Variants in ARHGAP10 observed in about 807,000 individuals in gnomAD.
ARHGAP10 encodes the protein rho GTPase-activating protein 10.
ARHGAP10 carries 87 observed loss-of-function variants against 108.6 expected under a neutral mutation model. The ratio of observed to expected loss-of-function variants is 0.80; its 90% confidence interval spans 0.67 to 0.96. The LOEUF (loss-of-function observed/expected upper bound fraction) is 0.96. Among genes scored for constraint, ARHGAP10 ranks in the 40% least tolerant of loss-of-function variants. The pLI is 0.00. For synonymous variants in ARHGAP10, 347 were observed against 341.1 expected (o/e 1.02, Z -0.19); for missense variants, 939 against 954.5 (o/e 0.98, Z 0.21).
intron 18 of ARHGAP10, among the ~76,000 whole-genome samples, chr4:147,989,176 G>C (rs1016085081): frequency 6.6e-6 from 1 of 152,216 alleles, no homozygotes; most frequent in Non-Finnish European, 1.5e-5. Flanking sequence ...TTTTATTAGG[G>C]AGTTTCAAAA....
intron 5 of ARHGAP10, chr4:147,862,562 C>T (rs1173182503): frequency 6.6e-6 from 1 of 152,290 alleles, no homozygotes; most frequent in Non-Finnish European, 1.5e-5. Context: ...GCGGCTGCTC[C>T]AGACTGGCCG....
Position 147,909,800 on chromosome 4 carries a change from G to A in ARHGAP10, c.1162+23G>A, listed in dbSNP as rs373859702. On this transcript the variant is annotated intron_variant, in intron 12 of 22. Coordinates refer to ENST00000336498, the MANE Select transcript of ARHGAP10 (RefSeq NM_024605.4). ...GAAGTAAGTGCTCATTTATAAAAAT[G>A]ATTGTATCCTCCTTTTCCATCTATT... 5.3e-4 allele frequency: 842 copies of A among 1,593,272 alleles called. 16 individuals are homozygous for A. In the South Asian group the frequency reaches 8.8e-3, roughly 17 times the overall value.
intron 18 of ARHGAP10, among the ~76,000 whole-genome samples, chr4:148,019,281 A>G (rs1051990490): frequency 1.3e-5 from 2 of 152,166 alleles, no homozygotes; most frequent in African/African-American, 4.8e-5. Context: ...CATTTTTGTA[A>G]TTATTTGCTG....
chr4:147,961,723 C>G (rs1739006562), intron 16 of ARHGAP10, among the ~76,000 whole-genome samples: 1 of 152,018 alleles, frequency 6.6e-6, no homozygotes, highest in Non-Finnish European at 1.5e-5. Flanking sequence ...GAAAGGGGCT[C>G]TCAGTTGATA....
chr4:147,770,250 T>A (rs1392093297), intron 1 of ARHGAP10, among the ~76,000 whole-genome samples: 1 of 152,206 alleles, frequency 6.6e-6, no homozygotes, highest in Non-Finnish European at 1.5e-5. Flanking sequence ...TGATAGCCTG[T>A]GGTCAGGTGC....
Position 147,897,160 on chromosome 4 carries a change from CT to C in ARHGAP10, c.1035-9470del, listed in dbSNP as rs200153083. 9.0e-3 allele frequency among the ~76,000 whole-genome samples: 1,368 copies of C among 151,590 alleles called. 19 individuals carry two copies. Among genetic ancestry groups the C allele is most frequent in the African/African-American group, 0.029 (1,217 of 41,398 alleles). On this transcript the variant is annotated intron_variant, in intron 10 of 22. Coordinates refer to ENST00000336498, the MANE Select transcript of ARHGAP10 (RefSeq NM_024605.4). ...TTTTATCTGATTCTTTATGTTTAAACTTTTTTTTATAAACAGCATATACTTG... is the reference window on the plus strand; with the variant it reads ...TTTTATCTGATTCTTTATGTTTAAACTTTTTTTATAAACAGCATATACTTG...
intron 1 of ARHGAP10, among the ~76,000 whole-genome samples, chr4:147,755,998 T>TC (rs1205197992): frequency 2.0e-5 from 3 of 152,194 alleles, no homozygotes; most frequent in Admixed American, 1.3e-4. Context: ...ATTTTTTTTT[T>TC]CTGTCACATA....
intron 19 of ARHGAP10, among the ~76,000 whole-genome samples, chr4:148,025,404 T>C (rs775528030): frequency 6.6e-6 from 1 of 152,100 alleles, no homozygotes; most frequent in African/African-American, 2.4e-5. Context: ...GGAAAACTCT[T>C]AAGTTTGGTC....
chr4:147,891,181 G>A (rs143977755), intron 10 of ARHGAP10, among the ~76,000 whole-genome samples: 114 of 152,290 alleles, frequency 7.5e-4, no homozygotes, highest in African/African-American at 2.7e-3. Context: ...GTGAATGAGT[G>A]TTCATAGAAG....
intron 1 of ARHGAP10, among the ~76,000 whole-genome samples, chr4:147,819,517 T>A (rs895176508): frequency 2.0e-5 from 3 of 151,730 alleles, no homozygotes; most frequent in Non-Finnish European, 4.4e-5. Context: ...TATCTTTTTT[T>A]ATTTTTATTT....
In ARHGAP10 at chr4:147,860,577, A is replaced by G. The variant is rs146578995; in HGVS notation, c.486+2923A>G. Among the ~76,000 whole-genome samples, 463 of 152,330 alleles carry G rather than the reference A, an allele frequency of 3.0e-3. 1 individual carries two copies. The highest frequency in any genetic ancestry group is 9.2e-3 in the African/African-American group (384 of 41,580). On this transcript the variant is annotated intron_variant, in intron 5 of 22. Coordinates refer to ENST00000336498, the MANE Select transcript of ARHGAP10 (RefSeq NM_024605.4). ...ATTGGGCATAATAGCTTCTACCTCC[A>G]TCCACACCCCTACATTCTACTTAAT...
intron 1 of ARHGAP10, among the ~76,000 whole-genome samples, chr4:147,794,698 G>A (rs936876928): frequency 1.3e-5 from 2 of 152,158 alleles, no homozygotes; most frequent in Non-Finnish European, 2.9e-5. Context: ...CATTCCCATT[G>A]CCATTGAGTA....
At chr4:147,928,871 A>G (rs1316152317) in intron 13 of ARHGAP10, among the ~76,000 whole-genome samples, 1 of 152,194 alleles carries the variant, frequency 6.6e-6, no homozygotes, top group East Asian at 1.9e-4. Context: ...AAGCTCATGC[A>G]CTTGCTTTGT....
At chr4:147,857,698 G>A in intron 5 of ARHGAP10, 44 bp downstream of exon 5, 1 of 1,370,406 alleles carries the variant, frequency 7.3e-7, no homozygotes, top group Non-Finnish European at 9.6e-7. Flanking sequence ...AATTTGATAA[G>A]CAATACATGT....
chr4:148,021,381 T>A (rs1052877827), intron 18 of ARHGAP10, among the ~76,000 whole-genome samples: 1 of 152,182 alleles, frequency 6.6e-6, no homozygotes, highest in Non-Finnish European at 1.5e-5. Flanking sequence ...GTTTGGAAGG[T>A]TTTCATCTGT....
At chr4:147,770,995 T>A (rs1361589042) in intron 1 of ARHGAP10, among the ~76,000 whole-genome samples, 3 of 152,192 alleles carry the variant, frequency 2.0e-5, no homozygotes, top group Non-Finnish European at 4.4e-5. Flanking sequence ...TAATCTTCTT[T>A]TCTTTTAAGG....
At chr4:147,766,836 ATATTTATT>A (rs1281281731) in intron 1 of ARHGAP10, among the ~76,000 whole-genome samples, 58 of 43,604 alleles carry the variant, frequency 1.3e-3, no homozygotes, top group African/African-American at 3.5e-3. Context: ...ATATATATAT[ATATTTATT>A]TATTTATTTA....
chr4:147,917,652 T>A (rs1737043544), intron 13 of ARHGAP10, among the ~76,000 whole-genome samples: 1 of 152,218 alleles, frequency 6.6e-6, no homozygotes, highest in South Asian at 2.1e-4. Flanking sequence ...ATGGACAAAA[T>A]ATTATCTTAT....
intron 1 of ARHGAP10, among the ~76,000 whole-genome samples, chr4:147,815,554 T>C (rs1417644743): frequency 1.3e-5 from 2 of 151,984 alleles, no homozygotes; most frequent in Admixed American, 6.6e-5. Flanking sequence ...AGAAGAGATG[T>C]GATGACAGAA....
Sources: gnomAD v4.1 joint callset for allele counts (sites outside exome capture counted in the v4.1 genomes callset) on GRCh38, gnomAD v4.1.1 for gene constraint, MANE v1.5 for transcripts, NCBI Gene and HGNC (gene_info 2026-07-23, HGNC 2026-07-21) for gene names.